LY96: variants seen among roughly 807,000 people sequenced by gnomAD.
LY96 encodes lymphocyte antigen 96.
A neutral mutation model predicts 18.9 loss-of-function variants in LY96; 18 were observed. That is an observed-to-expected ratio of 0.95 (90% CI 0.66 to 1.41). LY96 has a LOEUF of 1.41. LY96 is among the 40% of genes most tolerant of loss of function. The pLI is 0.00. For synonymous variants in LY96, 66 were observed against 62.6 expected, an observed-to-expected ratio of 1.06 and a Z score of -0.26; for missense variants, 175 against 182.4, an observed-to-expected ratio of 0.96 and a Z score of 0.23.
intron 1 of LY96, among the ~76,000 whole-genome samples, chr8:74,001,043 G>C (rs1816252694): frequency 6.6e-6 from 1 of 152,028 alleles, no homozygotes; most frequent in African/African-American, 2.4e-5. Flanking sequence ...TCTTGCACTG[G>C]GGATTAAATT....
intron 2 of LY96, 26 bp downstream of exon 2, chr8:74,004,911 G>C: frequency 1.3e-6 from 2 of 1,576,752 alleles, no homozygotes; most frequent in Non-Finnish European, 1.7e-6. Context: ...TGCTTTTATA[G>C]ACCAATCAAA....
the LY96 span, among the ~76,000 whole-genome samples, chr8:74,045,770 C>G: frequency 3.9e-5 from 6 of 152,112 alleles, no homozygotes; most frequent in Admixed American, 6.5e-5. Context: ...AGACCGCCCC[C>G]CTACCTCCTT....
chr8:74,066,880 C>G, the LY96 span, among the ~76,000 whole-genome samples: 1 of 152,144 alleles, frequency 6.6e-6, no homozygotes, highest in Non-Finnish European at 1.5e-5. Flanking sequence ...GCAAATGCAG[C>G]TAAAGAGGTT....
chr8:74,076,915 T>A, the LY96 span, among the ~76,000 whole-genome samples: 1 of 152,222 alleles, frequency 6.6e-6, no homozygotes, highest in Admixed American at 6.5e-5. Flanking sequence ...CTGCCCCTAC[T>A]TCAGATGTTA....
At chr8:74,073,681 T>A in the LY96 span, among the ~76,000 whole-genome samples, 2 of 142,104 alleles carry the variant, frequency 1.4e-5, no homozygotes, top group South Asian at 4.4e-4. Flanking sequence ...TTATTTATTT[T>A]GAGACGGAGT....
the LY96 span, among the ~76,000 whole-genome samples, chr8:74,057,306 T>C: frequency 6.6e-6 from 1 of 152,142 alleles, no homozygotes; most frequent in African/African-American, 2.4e-5. Flanking sequence ...CTGCAGGCTT[T>C]GAAAACTTTG....
At chr8:74,005,129 AG>A (rs1816386057) in intron 2 of LY96, among the ~76,000 whole-genome samples, 4 of 152,218 alleles carry the variant, frequency 2.6e-5, no homozygotes, top group Admixed American at 2.6e-4. Context: ...GGTGTTTGCC[AG>A]GCTGGAGTCC....
the LY96 span, among the ~76,000 whole-genome samples, chr8:74,084,574 T>A: frequency 6.6e-6 from 1 of 152,180 alleles, no homozygotes; most frequent in Admixed American, 6.5e-5. Context: ...TCTGGCCGCA[T>A]CTGTAATCCG....
At chr8:73,996,372 C>CCTTCCTTTCTTTCTTTCTTT (rs1816135382) in intron 1 of LY96, among the ~76,000 whole-genome samples, 12 of 110,994 alleles carry the variant, frequency 1.1e-4, no homozygotes, top group Admixed American at 1.9e-4. Flanking sequence ...TTCCTTCATT[C>CCTTCCTTTCTTTCTTTCTTT]CTTTCTTTCT....
chr8:74,081,093 C>CTTTCTTTT, the LY96 span, among the ~76,000 whole-genome samples: 62 of 120,008 alleles, frequency 5.2e-4, 1 homozygote, highest in Non-Finnish European at 9.5e-4. Context: ...TTCTCTCTTT[C>CTTTCTTTT]TTTCTTTCTT....
In LY96 at chr8:74,002,037, TC is replaced by T. The variant is rs1200308854; in HGVS notation, c.113-2757del. On this transcript the variant is annotated intron_variant, in intron 1 of 4. Transcript: ENST00000284818. The stretch of plus-strand genomic sequence containing the variant: ...TTCCTTCCTTCCTTCCTTCCTTCCT[TC>T]CTTCCTTCCTTCCTTCCTTCCTTCC... Among the ~76,000 whole-genome samples, 18 of 30,264 alleles carry T rather than the reference TC, an allele frequency of 5.9e-4. 3 individuals carry two copies. Among genetic ancestry groups the T allele is most frequent in the African/African-American group, 4.3e-3 (18 of 4,154 alleles). The allele number at this position is 30,264 out of a possible 152,430, so 19.9% of individuals were successfully genotyped here. A position where few individuals can be genotyped will look rare whatever the true frequency, so the allele number is the denominator to read the frequency against.
chr8:74,039,421 T>C, the LY96 span, among the ~76,000 whole-genome samples: 11 of 152,236 alleles, frequency 7.2e-5, no homozygotes, highest in African/African-American at 2.6e-4. Context: ...TCTCCCCGTG[T>C]GCGGACATGA....
At chr8:74,055,499 A>G in the LY96 span, among the ~76,000 whole-genome samples, 1 of 152,208 alleles carries the variant, frequency 6.6e-6, no homozygotes, top group Non-Finnish European at 1.5e-5. Flanking sequence ...TGCTGTATGT[A>G]GAGCACCCAG....
the LY96 span, among the ~76,000 whole-genome samples, chr8:74,042,901 C>A: frequency 6.6e-6 from 1 of 151,982 alleles, no homozygotes; most frequent in East Asian, 1.9e-4. Flanking sequence ...CTCAGCCTCC[C>A]GAGTAGCTGG....
intron 4 of LY96, among the ~76,000 whole-genome samples, chr8:74,028,144 C>G (rs1165590382): frequency 1.3e-5 from 2 of 152,196 alleles, no homozygotes; most frequent in East Asian, 3.8e-4. Flanking sequence ...AAATATTTAA[C>G]TTAACCACTC....
chr8:74,015,368 G>A (rs965141520), intron 3 of LY96, among the ~76,000 whole-genome samples: 3 of 152,182 alleles, frequency 2.0e-5, no homozygotes, highest in Admixed American at 1.3e-4. Context: ...TGCTCCCTCT[G>A]TAGGAGCTAG....
the LY96 span, among the ~76,000 whole-genome samples, chr8:74,058,580 C>T: frequency 2.0e-5 from 3 of 149,012 alleles, no homozygotes; most frequent in Non-Finnish European, 4.4e-5. Flanking sequence ...AAGGCAGTGG[C>T]GCAATCTCGG....
chr8:74,042,499 C>T, the LY96 span, among the ~76,000 whole-genome samples: 1 of 151,822 alleles, frequency 6.6e-6, no homozygotes, highest in Non-Finnish European at 1.5e-5. Context: ...GCCTGGGTGA[C>T]AAAAGCGAAA....
chr8:74,088,072 T>C, the LY96 span, among the ~76,000 whole-genome samples: 6 of 109,278 alleles, frequency 5.5e-5, no homozygotes, highest in Non-Finnish European at 2.0e-5. Flanking sequence ...TGTTTAGTAC[T>C]TCACTGAGAG....
Sources: gnomAD v4.1 joint callset for allele counts (sites outside exome capture counted in the v4.1 genomes callset) on GRCh38, gnomAD v4.1.1 for gene constraint, MANE v1.5 for transcripts, NCBI Gene and HGNC (gene_info 2026-07-23, HGNC 2026-07-21) for gene names.